The following SORCS1 variants were observed in gnomAD, a reference collection of about 807,000 sequenced individuals.
SORCS1 encodes VPS10 domain-containing receptor SorCS1.
In SORCS1, 60 loss-of-function variants were observed where a neutral mutation model predicts 146.1. The observed-to-expected ratio is 0.41, with a 90% CI of 0.33 to 0.51. The LOEUF is 0.51. Among genes scored for constraint, SORCS1 ranks in the 20% least tolerant of loss-of-function variants. The pLI, the probability that SORCS1 is intolerant of heterozygous loss-of-function variation, is 0.21. For missense variants in SORCS1, 1,352 were observed against 1,487.6 expected, an observed-to-expected ratio of 0.91 and a Z score of 1.50; for synonymous variants, 637 against 584.0, an observed-to-expected ratio of 1.09 and a Z score of -1.31.
chr10:106,744,034 T>C (rs1053140178), intron 5 of SORCS1, among the ~76,000 whole-genome samples: 1 of 152,192 alleles, frequency 6.6e-6, no homozygotes, highest in Non-Finnish European at 1.5e-5. Flanking sequence ...CCGTACAATA[T>C]TCTATAGTTG....
intron 1 of SORCS1, among the ~76,000 whole-genome samples, chr10:107,099,805 A>G (rs1177570099): frequency 6.6e-6 from 1 of 152,242 alleles, no homozygotes; most frequent in African/African-American, 2.4e-5. Flanking sequence ...CATACGTATT[A>G]AGTGCCTACT....
chr10:107,119,392 A>G (rs1966249769), intron 1 of SORCS1, among the ~76,000 whole-genome samples: 1 of 152,234 alleles, frequency 6.6e-6, no homozygotes, highest in Admixed American at 6.5e-5. Flanking sequence ...GTTTGTATAT[A>G]AGGGTTGCAT....
intron 9 of SORCS1, among the ~76,000 whole-genome samples, chr10:106,692,477 A>T (rs1232886011): frequency 6.6e-6 from 1 of 152,138 alleles, no homozygotes; most frequent in Non-Finnish European, 1.5e-5. Context: ...AGAAATGGGG[A>T]ATGACTACTA....
intron 1 of SORCS1, among the ~76,000 whole-genome samples, chr10:106,982,673 C>A (rs1956285985): frequency 6.6e-6 from 1 of 152,122 alleles, no homozygotes; most frequent in African/African-American, 2.4e-5. Flanking sequence ...GCCCTCAGTT[C>A]CTTAAAGGAA....
At chr10:106,914,918 T>TC (rs2138300595) in intron 2 of SORCS1, among the ~76,000 whole-genome samples, 2 of 152,302 alleles carry the variant, frequency 1.3e-5, no homozygotes, top group Admixed American at 1.3e-4. Context: ...GGCTCCTTGC[T>TC]CAGTTTCCAA....
chr10:106,885,337 C>T (rs914817446), intron 2 of SORCS1, among the ~76,000 whole-genome samples: 1 of 151,952 alleles, frequency 6.6e-6, no homozygotes, highest in African/African-American at 2.4e-5. Flanking sequence ...TTTCAATTTC[C>T]TCTAGTCAGC....
chr10:107,120,810 C>T (rs1347946300), intron 1 of SORCS1, among the ~76,000 whole-genome samples: 2 of 152,134 alleles, frequency 1.3e-5, no homozygotes, highest in African/African-American at 2.4e-5. Flanking sequence ...AATTCCCATA[C>T]TACATCCCTT....
intron 1 of SORCS1, among the ~76,000 whole-genome samples, chr10:107,126,256 T>C (rs1966705690): frequency 6.6e-6 from 1 of 151,918 alleles, no homozygotes; most frequent in Admixed American, 6.5e-5. Flanking sequence ...AACAAAGCAC[T>C]CTCCAATGTC....
intron 5 of SORCS1, among the ~76,000 whole-genome samples, chr10:106,731,082 G>C (rs1856559813): frequency 6.6e-6 from 1 of 151,302 alleles, no homozygotes; most frequent in South Asian, 2.1e-4. Context: ...GGCTGAGGTG[G>C]GCGGATCACA....
intron 4 of SORCS1, among the ~76,000 whole-genome samples, chr10:106,764,441 C>A (rs575472370): frequency 1.3e-5 from 2 of 152,132 alleles, no homozygotes; most frequent in Non-Finnish European, 2.9e-5. Flanking sequence ...GAAGGCTTTC[C>A]CTGTAGAATG....
intron 3 of SORCS1, among the ~76,000 whole-genome samples, chr10:106,827,861 T>C (rs1298595989): frequency 6.6e-6 from 1 of 152,194 alleles, no homozygotes; most frequent in Non-Finnish European, 1.5e-5. Flanking sequence ...TAAAATTAAA[T>C]GAAATTTAAA....
At chr10:106,749,127 A>C (rs1857960052) in intron 5 of SORCS1, among the ~76,000 whole-genome samples, 1 of 152,206 alleles carries the variant, frequency 6.6e-6, no homozygotes, top group Non-Finnish European at 1.5e-5. Context: ...CTTCTGCCTG[A>C]ACTATATTTC....
chr10:106,790,029 G>A (rs1370906889), intron 3 of SORCS1, among the ~76,000 whole-genome samples: 1 of 152,196 alleles, frequency 6.6e-6, no homozygotes, highest in Non-Finnish European at 1.5e-5. Context: ...AGAATAGTTA[G>A]GGTCGGGTGG....
chr10:107,155,697 C>T (rs932689861), intron 1 of SORCS1, among the ~76,000 whole-genome samples: 1 of 152,086 alleles, frequency 6.6e-6, no homozygotes, highest in East Asian at 1.9e-4. Flanking sequence ...CATCCACCAC[C>T]CGGCCCCAAA....
chr10:106,957,729 T>C (rs1955031721), intron 1 of SORCS1, among the ~76,000 whole-genome samples: 2 of 152,190 alleles, frequency 1.3e-5, no homozygotes, highest in Admixed American at 1.3e-4. Context: ...AGCCGTAGAA[T>C]TGTGGAATGC....
intron 2 of SORCS1, among the ~76,000 whole-genome samples, chr10:106,839,378 A>G (rs547438051): frequency 2.6e-4 from 40 of 152,344 alleles, no homozygotes; most frequent in African/African-American, 9.6e-4. Context: ...ACCAGCTACA[A>G]CATTTCCTTA....
chr10:107,076,735 C>T (rs762600115), intron 1 of SORCS1, among the ~76,000 whole-genome samples: 2 of 152,044 alleles, frequency 1.3e-5, no homozygotes, highest in Non-Finnish European at 2.9e-5. Flanking sequence ...TTGAGGTGAA[C>T]ATCATGGTGA....
intron 2 of SORCS1, among the ~76,000 whole-genome samples, chr10:106,838,183 C>T (rs925959591): frequency 1.3e-5 from 2 of 152,106 alleles, no homozygotes; most frequent in African/African-American, 4.8e-5. Context: ...CTACAATAGC[C>T]CCTGCTGTTA....
chr10:106,717,840 GC>G (rs1420607384), intron 6 of SORCS1, among the ~76,000 whole-genome samples: 1 of 152,182 alleles, frequency 6.6e-6, no homozygotes, highest in Admixed American at 6.5e-5. Context: ...CTATGGGCTT[GC>G]CGGTGAAATA....
Sources: gnomAD v4.1 joint callset for allele counts (sites outside exome capture counted in the v4.1 genomes callset) on GRCh38, gnomAD v4.1.1 for gene constraint, MANE v1.5 for transcripts, NCBI Gene and HGNC (gene_info 2026-07-23, HGNC 2026-07-21) for gene names.